RNF220: variants seen among roughly 807,000 people sequenced by gnomAD.
RNF220 encodes the protein ring finger protein 220.
In RNF220, 7 loss-of-function variants were observed where a neutral mutation model predicts 67.1. The ratio of observed to expected loss-of-function variants is 0.10; its 90% confidence interval spans 0.06 to 0.20. The LOEUF (loss-of-function observed/expected upper bound fraction) is 0.20, where lower values mean the gene tolerates loss of function less well. Ranked by LOEUF, RNF220 falls within the 10% of genes least tolerant of loss-of-function variation. The pLI is 1.00. For synonymous variants in RNF220, 270 were observed against 283.2 expected (o/e 0.95, Z 0.47); for missense variants, 565 against 740.3 (o/e 0.76, Z 2.75).
chr1:44,500,802 A>C (rs61787493), intron 2 of RNF220, among the ~76,000 whole-genome samples: 14,226 of 151,974 alleles, frequency 0.094, 858 homozygotes, highest in Middle Eastern at 0.18. Flanking sequence ...AAGAGAGAGG[A>C]GGGAGGGAGG....
Position 44,650,801 on chromosome 1 carries a change from C to G in RNF220, c.*26C>G. ...GCTATCTGCCCCAGGCAGGCCTCGCCTCCAGCAGCCCCACCTGCCCCCAGC... is the reference window on the plus strand; with the variant it reads ...GCTATCTGCCCCAGGCAGGCCTCGCGTCCAGCAGCCCCACCTGCCCCCAGC... On this transcript the variant is annotated 3_prime_UTR_variant, in exon 15 of 15. Coordinates refer to ENST00000361799, the MANE Select transcript of RNF220 (RefSeq NM_018150.4). This position sits in a 1 kb window ranked among gnomAD's most constrained non-coding sequence, Gnocchi z 4.3. 6.2e-7 allele frequency: 1 copy of G among 1,607,558 alleles called. No homozygotes were observed. Among genetic ancestry groups the G allele is most frequent in the Non-Finnish European group, 8.5e-7 (1 of 1,176,184 alleles).
intron 2 of RNF220, among the ~76,000 whole-genome samples, chr1:44,478,140 C>T (rs545568788): frequency 3.9e-5 from 6 of 152,074 alleles, no homozygotes; most frequent in Admixed American, 1.3e-4. Flanking sequence ...CCACCACACC[C>T]GGCTAATTTT....
At chr1:44,588,913 A>G (rs1329454179) in intron 2 of RNF220, among the ~76,000 whole-genome samples, 2 of 152,196 alleles carry the variant, frequency 1.3e-5, no homozygotes, top group South Asian at 2.1e-4. Flanking sequence ...CCTGCCATGA[A>G]GTACTTCTCC....
At chr1:44,437,823 GAGAC>G (rs748692871) in intron 2 of RNF220, among the ~76,000 whole-genome samples, 9 of 152,152 alleles carry the variant, frequency 5.9e-5, no homozygotes, top group East Asian at 1.9e-4. Context: ...ATGAGTTCTG[GAGAC>G]AGACAGGCCT....
chr1:44,545,757 A>ATT (rs11372709), intron 2 of RNF220, among the ~76,000 whole-genome samples: 106 of 140,736 alleles, frequency 7.5e-4, no homozygotes, highest in African/African-American at 1.3e-3. Flanking sequence ...CAGAAACCCA[A>ATT]TTTTTTTTTT....
chr1:44,530,173 G>A (rs1043324902), intron 2 of RNF220, among the ~76,000 whole-genome samples: 5 of 151,998 alleles, frequency 3.3e-5, no homozygotes, highest in Admixed American at 6.6e-5. Context: ...ATGATCAGAC[G>A]AACCATATTC....
At chr1:44,549,239 T>C (rs1181046183) in intron 2 of RNF220, among the ~76,000 whole-genome samples, 1 of 152,170 alleles carries the variant, frequency 6.6e-6, no homozygotes, top group Non-Finnish European at 1.5e-5. Flanking sequence ...CATTGCAATG[T>C]TGATATACAA....
chr1:44,571,195 G>T (rs1664418248), intron 2 of RNF220, among the ~76,000 whole-genome samples: 2 of 152,064 alleles, frequency 1.3e-5, no homozygotes, highest in South Asian at 4.1e-4. Flanking sequence ...CCTACAGTCT[G>T]GCCCCTCTTC....
At chr1:44,487,318 G>T (rs982215598) in intron 2 of RNF220, among the ~76,000 whole-genome samples, 8 of 149,876 alleles carry the variant, frequency 5.3e-5, no homozygotes, top group Non-Finnish European at 1.0e-4. Context: ...CTGGGTGACA[G>T]ATCGAGACTC....
In RNF220 at chr1:44,405,409, C is replaced by CGCCGCCGCCGCT; in HGVS notation, c.-235_-224dup. 1.6e-6 allele frequency: 1 copy of CGCCGCCGCCGCT among 632,472 alleles called. No individual in the cohort carries two copies. Among genetic ancestry groups the CGCCGCCGCCGCT allele is most frequent in the Non-Finnish European group, 2.9e-6 (1 of 350,668 alleles). The allele number at this position is 632,472 out of a possible 1,614,324, so 39.2% of individuals were successfully genotyped here. ...CTGCTGCTGCTGCCGCTGCCGCCGC[C>CGCCGCCGCCGCT]GCCGCCGCCGCTGCCTCCGCCGGCT... On this transcript the variant is annotated 5_prime_UTR_variant, in exon 1 of 15. Transcript: ENST00000361799.
chr1:44,645,519 A>AC lies in RNF220; in HGVS notation c.1445+33dup. On this transcript the variant is annotated intron_variant, in intron 12 of 14. Transcript: ENST00000361799. This position sits in a 1 kb window ranked among gnomAD's most constrained non-coding sequence, Gnocchi z 5.0. ...TGTTTGGCCAGGAGAGAGCCCTGGG[A>AC]CCACAGTTCAGTGGGAGGAGGGGCC... 2 of 1,606,090 alleles carry AC rather than the reference A, an allele frequency of 1.2e-6. No homozygotes were observed. Among genetic ancestry groups the AC allele is most frequent in the Non-Finnish European group, 1.7e-6 (2 of 1,174,544 alleles).
chr1:44,590,937 G>A, intron 2 of RNF220, among the ~76,000 whole-genome samples: 1 of 152,094 alleles, frequency 6.6e-6, no homozygotes, highest in East Asian at 1.9e-4. Context: ...GGAACAGCAT[G>A]GTTTTTGTTT....
At chr1:44,407,364 C>A (rs993351502) in intron 1 of RNF220, among the ~76,000 whole-genome samples, 9 of 152,196 alleles carry the variant, frequency 5.9e-5, no homozygotes, top group African/African-American at 1.9e-4. Flanking sequence ...GGGGGCTTTG[C>A]CTTGCCTGGC....
intron 2 of RNF220, among the ~76,000 whole-genome samples, chr1:44,613,147 G>A (rs1045699453): frequency 8.1e-4 from 120 of 147,848 alleles, no homozygotes; most frequent in African/African-American, 2.9e-3. Flanking sequence ...GATGTTTCTA[G>A]ATTAATAGGG....
chr1:44,633,983 A>G (rs1335982635), intron 6 of RNF220, among the ~76,000 whole-genome samples: 2 of 152,384 alleles, frequency 1.3e-5, no homozygotes, highest in South Asian at 2.1e-4. Flanking sequence ...CATGTCACCT[A>G]TAGTGAAGAC....
intron 2 of RNF220, among the ~76,000 whole-genome samples, chr1:44,574,652 C>T (rs1664680462): frequency 6.6e-6 from 1 of 152,204 alleles, no homozygotes; most frequent in Admixed American, 6.5e-5. Context: ...TGCCCCTGCA[C>T]TGCCATTAGG....
In RNF220 at chr1:44,600,834, A is replaced by AT. The variant is rs1666872202; in HGVS notation, c.626-13331_626-13330insT. Among the ~76,000 whole-genome samples the AT allele has an allele frequency of 6.6e-6, 1 of 151,914 alleles. No homozygotes were observed. The highest frequency in any genetic ancestry group is 2.1e-4 in the South Asian group (1 of 4,814). On this transcript the variant is annotated intron_variant, in intron 2 of 14. Transcript: ENST00000361799. This position sits in a 1 kb window ranked among gnomAD's most constrained non-coding sequence, Gnocchi z 4.0. ...AAGACTCTGTCTCAAAAAAAAAAAA[A>AT]GTACAGTGCTTGCCACAGAGTAAGC...
chr1:44,442,514 C>T (rs1489465138), intron 2 of RNF220, among the ~76,000 whole-genome samples: 4 of 127,754 alleles, frequency 3.1e-5, no homozygotes, highest in East Asian at 2.3e-4. Flanking sequence ...CACTCACACT[C>T]TTTTTTTTTT....
intron 2 of RNF220, among the ~76,000 whole-genome samples, chr1:44,574,305 A>G (rs1457856841): frequency 6.6e-6 from 1 of 152,148 alleles, no homozygotes; most frequent in Non-Finnish European, 1.5e-5. Flanking sequence ...CCTCTGCCCT[A>G]TCCCACTTCA....
Sources: allele counts gnomAD v4.1 joint callset (sites outside exome capture counted in the v4.1 genomes callset), GRCh38; gene constraint gnomAD v4.1.1; non-coding constraint Gnocchi (gnomAD v3.1); transcripts MANE v1.5; gene names NCBI Gene and HGNC (gene_info 2026-07-23, HGNC 2026-07-21).